GPR146: variants seen among roughly 807,000 people sequenced by gnomAD.
GPR146 encodes G-protein coupled receptor 146.
For missense variants in GPR146, 381 were observed against 213.9 expected, an observed-to-expected ratio of 1.78 and a Z score of -4.87; for synonymous variants, 203 against 104.3, an observed-to-expected ratio of 1.95 and a Z score of -5.77.
intron 1 of GPR146, among the ~76,000 whole-genome samples, 186 bp downstream of exon 1, chr7:1,044,844 G>T (rs116586642): frequency 6.6e-6 from 1 of 152,220 alleles, no homozygotes; most frequent in Admixed American, 6.5e-5. Flanking sequence ...GCTGTCCTCC[G>T]GCCGCGCTCC....
rs2128205907 is a variant in GPR146 at position 1,058,499 on chromosome 7, G to A, written c.984G>A (p.Val328=). Residue 328 remains valine, a synonymous_variant, in exon 2 of 2, where the codon GTG becomes GTA. Coordinates refer to ENST00000444847, the MANE Select transcript of GPR146 (RefSeq NM_001303473.2). ...DRHCSPDHMG[V]QQVLA is the part of the protein sequence containing the mutation. ...ACTGCTCCCCGGACCACATGGGGGT[G>A]CAGCAGGTGCTGGCGTAGGCGGCCC... 1 of 779,648 alleles carries A rather than the reference G, an allele frequency of 1.3e-6. No homozygotes were observed. Among genetic ancestry groups the A allele is most frequent in the East Asian group, 2.4e-5 (1 of 41,246 alleles). The allele number at this position is 779,648 out of a possible 1,614,324, so 48.3% of individuals were successfully genotyped here.
chr7:1,055,164 T>C (rs1563054093), intron 1 of GPR146: 6 of 457,366 alleles, frequency 1.3e-5, no homozygotes, highest in Admixed American at 2.4e-5. Context: ...CAGTTTGCAG[T>C]GCGGTCCCGT....
chr7:1,054,446 C>T (rs1002033256), intron 1 of GPR146, among the ~76,000 whole-genome samples: 2 of 152,256 alleles, frequency 1.3e-5, no homozygotes, highest in South Asian at 2.1e-4. Context: ...TGGAGGCCGG[C>T]GTTCCCAGGT....
chr7:1,051,943 C>T (rs1416637509), intron 1 of GPR146, among the ~76,000 whole-genome samples: 1 of 152,186 alleles, frequency 6.6e-6, no homozygotes, highest in African/African-American at 2.4e-5. Context: ...GTACCACTGC[C>T]CTCCAGCCTG....
rs559767039 is a variant in GPR146, at chr7:1,058,221, G to A, written c.706G>A (p.Val236Met). 1.3e-6 allele frequency: 1 copy of A among 756,056 alleles called. No homozygotes were observed. The highest frequency in any genetic ancestry group is 1.4e-5 in the South Asian group (1 of 73,538). The allele number at this position is 756,056 out of a possible 1,614,324, so 46.8% of individuals were successfully genotyped here. A position where few individuals can be genotyped will look rare whatever the true frequency, so the allele number is the denominator to read the frequency against. The change falls in exon 2 of 2, where the codon GTG becomes ATG. Residue 236 changes from valine (V) to methionine (M), a missense_variant. Val to Met is a conservative substitution (Grantham distance 21). Coordinates refer to ENST00000444847, the MANE Select transcript of GPR146 (RefSeq NM_001303473.2). ...GGAGCCCTCGGCACACAGGCTGCTGGTGGCCACCGTGTGCACGCAGTTTGG... is the reference window on the plus strand; with the variant it reads ...GGAGCCCTCGGCACACAGGCTGCTGATGGCCACCGTGTGCACGCAGTTTGG... ...RLEPSAHRLL[V>M]ATVCTQFGLW... is the part of the protein sequence containing the mutation.
intron 1 of GPR146, among the ~76,000 whole-genome samples, chr7:1,046,292 G>A (rs1563043520): frequency 6.6e-6 from 1 of 152,220 alleles, no homozygotes; most frequent in African/African-American, 2.4e-5. Flanking sequence ...ACCACAGCGA[G>A]GTCTTGCCTT....
chr7:1,057,583 A>T lies in GPR146; in HGVS notation c.68A>T (p.Gln23Leu). Residue 23 changes from glutamine (Q) to leucine (L), a missense_variant, in exon 2 of 2, where the codon CAG becomes CTG. Transcript: ENST00000444847. ...GAGCTGCCTGCCTGCCAGGACCTGC[A>T]GCTGGGGCTGTCACTGTTGTCGCTG... is the stretch of plus-strand genomic sequence containing the variant. The part of the protein sequence containing the change: ...VEELPACQDL[Q>L]LGLSLLSLLG... The T allele has an allele frequency of 1.3e-6, 1 of 772,336 alleles. No individual in the cohort carries two copies. The highest frequency in any genetic ancestry group is 2.4e-5 in the East Asian group (1 of 41,064). The allele number at this position is 772,336 out of a possible 1,614,324, so 47.8% of individuals were successfully genotyped here. A position where few individuals can be genotyped will look rare whatever the true frequency, so the allele number is the denominator to read the frequency against.
chr7:1,055,324 C>CCT (rs1563054397), intron 1 of GPR146: 1 of 471,132 alleles, frequency 2.1e-6, no homozygotes, highest in East Asian at 6.9e-5. Flanking sequence ...CACGCGCAGG[C>CCT]GGCCAGGCGC....
chr7:1,057,547 G>A lies in GPR146; in HGVS notation c.32G>A (p.Gly11Glu), dbSNP rs11761941. The part of the protein sequence containing the change: MWSCSWFNGT[G>E]LVEELPACQD... ...AGCTGCAGCTGGTTCAACGGCACAG[G>A]GCTGGTGGAGGAGCTGCCTGCCTGC... is the stretch of plus-strand genomic sequence containing the variant. Residue 11 changes from glycine to glutamate, a missense_variant, in exon 2 of 2, where the codon GGG (glycine) becomes GAG (glutamate). Coordinates refer to ENST00000444847, the MANE Select transcript of GPR146 (RefSeq NM_001303473.2). 0.13 allele frequency: 103,991 copies of A among 773,128 alleles called. 8,165 individuals carry two copies. The highest frequency in any genetic ancestry group is 0.24 in the Middle Eastern group (987 of 4,176). 47.9% of individuals were successfully genotyped at this position (773,128 alleles called of 1,614,324 possible).
At chr7:1,057,105 C>A (rs920501662) in intron 1 of GPR146, among the ~76,000 whole-genome samples, 8 of 152,104 alleles carry the variant, frequency 5.3e-5, no homozygotes, top group Admixed American at 2.6e-4. Context: ...TCCCTCCCGG[C>A]GCTGGCAAGA....
rs1361115318 is a variant in GPR146, at chr7:1,058,432, A to G, written c.917A>G (p.Lys306Arg). The G allele has an allele frequency of 9.0e-6, 7 of 780,596 alleles. No homozygotes were observed. Among genetic ancestry groups the G allele is most frequent in the Non-Finnish European group, 1.7e-5 (7 of 418,122 alleles). The allele number at this position is 780,596 out of a possible 1,614,324, so 48.4% of individuals were successfully genotyped here. A position where few individuals can be genotyped will look rare whatever the true frequency, so the allele number is the denominator to read the frequency against. Reference sequence around the variant, plus strand: ...TACATGAACCAGAGCTTCCCCAGCAAGCTCCAACGGCTGATGAAAAAGCTG... The same window carrying G: ...TACATGAACCAGAGCTTCCCCAGCAGGCTCCAACGGCTGATGAAAAAGCTG... ...YRYMNQSFPS[K>R]LQRLMKKLPC... is the part of the protein sequence containing the mutation. The change falls in exon 2 of 2, where the codon AAG becomes AGG. Residue 306 changes from lysine to arginine, a missense_variant. Transcript: ENST00000444847.
intron 1 of GPR146, among the ~76,000 whole-genome samples, chr7:1,053,704 G>C (rs1450984657): frequency 1.3e-5 from 2 of 152,232 alleles, no homozygotes; most frequent in African/African-American, 4.8e-5. Flanking sequence ...GCAGTCGCCT[G>C]TAATCCCAGC....
At chr7:1,051,363 G>T (rs1046154211) in intron 1 of GPR146, among the ~76,000 whole-genome samples, 1 of 152,238 alleles carries the variant, frequency 6.6e-6, no homozygotes, top group African/African-American at 2.4e-5. Flanking sequence ...GAGCCAGGCC[G>T]CCGAGGTTCT....
chr7:1,055,512 A>C, intron 1 of GPR146: 1 of 451,490 alleles, frequency 2.2e-6, no homozygotes, highest in South Asian at 1.6e-5. Flanking sequence ...CGCAGGTGGG[A>C]GAGGGGACGT....
At chr7:1,046,443 A>G (rs1457064509) in intron 1 of GPR146, among the ~76,000 whole-genome samples, 1 of 152,166 alleles carries the variant, frequency 6.6e-6, no homozygotes, top group Admixed American at 6.5e-5. Flanking sequence ...GGCTTTCACT[A>G]ACCCACCTGC....
intron 1 of GPR146, among the ~76,000 whole-genome samples, chr7:1,051,675 T>C (rs767831456): frequency 1.3e-5 from 2 of 152,180 alleles, no homozygotes; most frequent in African/African-American, 4.8e-5. Flanking sequence ...ATGAGAGTTA[T>C]TTAAAAAACA....
In GPR146 at chr7:1,058,557, G is replaced by A. The variant is rs1784132446; in HGVS notation, c.*40G>A. The A allele has an allele frequency of 5.4e-6, 4 of 745,414 alleles. No individual in the cohort carries two copies. The highest frequency in any genetic ancestry group is 4.9e-5 in the East Asian group (2 of 40,912). 46.2% of individuals were successfully genotyped at this position (745,414 alleles called of 1,614,324 possible). A position where few individuals can be genotyped will look rare whatever the true frequency, so the allele number is the denominator to read the frequency against. ...CTGGGGAGACGTGACTCTGGTGGAC[G>A]CAGAGCACTTAGTTACCCTGGACGC... On this transcript the variant is annotated 3_prime_UTR_variant, in exon 2 of 2. Coordinates refer to ENST00000444847, the MANE Select transcript of GPR146 (RefSeq NM_001303473.2).
At chr7:1,055,684 C>G (rs1173025068) in intron 1 of GPR146, among the ~76,000 whole-genome samples, 1 of 152,290 alleles carries the variant, frequency 6.6e-6, no homozygotes, top group East Asian at 1.9e-4. Context: ...GGTCCCGGCC[C>G]TTGGCAAGCT....
Position 1,046,034 on chromosome 7 carries a change from G to A in GPR146, c.-25+1376G>A, listed in dbSNP as rs183469469. 5.9e-5 allele frequency among the ~76,000 whole-genome samples: 9 copies of A among 152,362 alleles called. No homozygotes were observed. The East Asian group carries it at 1.7e-3, about 29-fold the overall frequency. On this transcript the variant is annotated intron_variant, in intron 1 of 1. Transcript: ENST00000444847. The stretch of plus-strand genomic sequence containing the variant: ...ATGAAGAGAGAAGGGCAAAGGGCGC[G>A]CACCTCATGTGGGTCTTAGGTTAGG...
Sources: allele counts gnomAD v4.1 joint callset (sites outside exome capture counted in the v4.1 genomes callset), GRCh38; gene constraint gnomAD v4.1.1; transcripts MANE v1.5; gene names NCBI Gene and HGNC (gene_info 2026-07-23, HGNC 2026-07-21).